The following CDH8 variants were observed in gnomAD, a reference collection of about 807,000 sequenced individuals.
CDH8 encodes cadherin 8.
CDH8 carries 17 observed loss-of-function variants against 68.1 expected under a neutral mutation model. That is an observed-to-expected ratio of 0.25 (90% confidence interval 0.17 to 0.37). The LOEUF is 0.37. CDH8 is among the 10% of genes least tolerant of loss of function. The pLI, the probability that CDH8 is intolerant of heterozygous loss-of-function variation, is 1.00. For missense variants in CDH8, 763 were observed against 999.3 expected, an observed-to-expected ratio of 0.76 and a Z score of 3.19; for synonymous variants, 372 against 365.1, an observed-to-expected ratio of 1.02 and a Z score of -0.21.
chr16:61,877,224 G>T (rs1212241915), intron 3 of CDH8, among the ~76,000 whole-genome samples: 1 of 151,236 alleles, frequency 6.6e-6, no homozygotes, highest in African/African-American at 2.4e-5. Context: ...CATCATCTTA[G>T]AACGAGACTA....
intron 4 of CDH8, among the ~76,000 whole-genome samples, chr16:61,828,208 C>T (rs1206569627): frequency 4.0e-5 from 6 of 151,788 alleles, no homozygotes; most frequent in African/African-American, 1.5e-4. Flanking sequence ...TGACAGTTTA[C>T]GAATGCCACG....
chr16:61,926,189 G>GTGTGTGTGTA (rs1964454281), intron 2 of CDH8, among the ~76,000 whole-genome samples: 1 of 150,962 alleles, frequency 6.6e-6, no homozygotes, highest in African/African-American at 2.4e-5. Flanking sequence ...GTGTGTGTGT[G>GTGTGTGTGTA]TGTATACATT....
chr16:61,744,345 A>C (rs1193028879), intron 8 of CDH8, among the ~76,000 whole-genome samples: 1 of 152,090 alleles, frequency 6.6e-6, no homozygotes, highest in African/African-American at 2.4e-5. Context: ...TATCATTATA[A>C]CATTTTTCTC....
intron 3 of CDH8, among the ~76,000 whole-genome samples, chr16:61,879,673 CA>C (rs1431228093): frequency 6.6e-6 from 1 of 152,132 alleles, no homozygotes; most frequent in East Asian, 1.9e-4. Context: ...TTGAAATCTT[CA>C]GAGAGAACGT....
At chr16:61,921,924 A>G (rs1964375445) in intron 2 of CDH8, among the ~76,000 whole-genome samples, 1 of 152,042 alleles carries the variant, frequency 6.6e-6, no homozygotes, top group South Asian at 2.1e-4. Flanking sequence ...CCAGCTACTC[A>G]GGAGGCTGAG....
At position 62,021,149 on chromosome 16, in the gene CDH8, T is replaced by C. The variant is rs1902063963; in HGVS notation, c.252+3A>G. 5 of 1,613,604 alleles carry C rather than the reference T, an allele frequency of 3.1e-6. No individual in the cohort carries two copies. Among genetic ancestry groups the C allele is most frequent in the Middle Eastern group, 3.3e-4 (2 of 6,056 alleles). On this transcript the variant is annotated splice_donor_region_variant and intron_variant, in intron 2 of 11. Coordinates refer to ENST00000577390, the MANE Select transcript of CDH8 (RefSeq NM_001796.5). ...AAATTGAGATCTTAAAAACAAAGCTTACCCGGCCAACAAGAATCGGTTCAG... is the reference window on the plus strand; with the variant it reads ...AAATTGAGATCTTAAAAACAAAGCTCACCCGGCCAACAAGAATCGGTTCAG...
intron 10 of CDH8, among the ~76,000 whole-genome samples, chr16:61,660,457 CA>C (rs1188178760): frequency 2.6e-5 from 4 of 151,480 alleles, no homozygotes; most frequent in Non-Finnish European, 5.9e-5. Flanking sequence ...AGCAGAGCCT[CA>C]AAAAAATGTA....
intron 2 of CDH8, among the ~76,000 whole-genome samples, chr16:61,973,937 C>T (rs1462647614): frequency 6.6e-6 from 1 of 152,162 alleles, no homozygotes; most frequent in African/African-American, 2.4e-5. Context: ...ATCAGGTTTG[C>T]GTTGTCAGAC....
At chr16:61,765,273 G>T (rs1277044297) in intron 8 of CDH8, among the ~76,000 whole-genome samples, 3 of 151,924 alleles carry the variant, frequency 2.0e-5, no homozygotes, top group Admixed American at 6.6e-5. Flanking sequence ...ATGAATGCAT[G>T]GCAGGATCAA....
intron 4 of CDH8, among the ~76,000 whole-genome samples, chr16:61,846,909 T>C (rs747949518): frequency 6.6e-6 from 1 of 152,130 alleles, no homozygotes; most frequent in Non-Finnish European, 1.5e-5. Context: ...TAGTGAAATG[T>C]TATGAGCTAG....
chr16:61,722,309 G>C (rs1228004568), intron 9 of CDH8, among the ~76,000 whole-genome samples: 2 of 150,556 alleles, frequency 1.3e-5, no homozygotes, highest in East Asian at 1.9e-4. Flanking sequence ...AAATTTATTT[G>C]ACAATACTAT....
rs1206120497 is a variant in CDH8 at position 61,727,178 on chromosome 16, A to G, written c.1452T>C (p.Ile484=). 9.3e-6 allele frequency: 15 copies of G among 1,609,904 alleles called. No individual in the cohort carries two copies. The highest frequency in any genetic ancestry group is 1.3e-5 in the African/African-American group (1 of 74,516). Residue 484 remains isoleucine, a synonymous_variant, in exon 9 of 12, where the codon ATT becomes ATC. Transcript: ENST00000577390. ...CGTTGTCATTGACATCCAGCACTTT[A>G]ATAGCAACAGGTACTCGTGATATCT... is the stretch of plus-strand genomic sequence containing the variant. ...HSQISRVPVA[I]KVLDVNDNAP...
At chr16:61,780,586 A>G (rs1454233349) in intron 8 of CDH8, among the ~76,000 whole-genome samples, 4 of 152,222 alleles carry the variant, frequency 2.6e-5, no homozygotes, top group Non-Finnish European at 5.9e-5. Context: ...CTATTTCTTT[A>G]TCATTATTAG....
chr16:61,802,164 C>T (rs527328997), intron 7 of CDH8, among the ~76,000 whole-genome samples: 11 of 119,278 alleles, frequency 9.2e-5, no homozygotes, highest in African/African-American at 4.0e-4. Flanking sequence ...GACCCCTGAC[C>T]CCCGAGCAGC....
In CDH8 at chr16:62,023,463, C is replaced by T. The variant is rs759205556; in HGVS notation, c.-199-1861G>A. ...GGCATTAATAATAATTCCTACCTAA[C>T]GGGACAATAGTGTGGTTCAGAAATA... On this transcript the variant is annotated intron_variant, in intron 1 of 11. Coordinates refer to ENST00000577390, the MANE Select transcript of CDH8 (RefSeq NM_001796.5). Among the ~76,000 whole-genome samples the T allele has an allele frequency of 2.9e-4, 44 of 152,044 alleles. 3 individuals carry two copies. Among genetic ancestry groups the T allele is most frequent in the Admixed American group, 2.1e-3 (32 of 15,250 alleles).
chr16:61,961,041 C>T (rs933195679), intron 2 of CDH8, among the ~76,000 whole-genome samples: 1 of 152,106 alleles, frequency 6.6e-6, no homozygotes, highest in Non-Finnish European at 1.5e-5. Flanking sequence ...TGGGGCTGGG[C>T]ACGGTGGCTC....
At chr16:61,824,940 TA>T in intron 5 of CDH8, 71 bp downstream of exon 5, 1 of 1,334,696 alleles carries the variant, frequency 7.5e-7, no homozygotes, top group Non-Finnish European at 1.0e-6. Context: ...TAATTATCAC[TA>T]AAAATTATAA....
chr16:61,974,226 G>C (rs1214444749), intron 2 of CDH8, among the ~76,000 whole-genome samples: 1 of 152,150 alleles, frequency 6.6e-6, no homozygotes, highest in Non-Finnish European at 1.5e-5. Flanking sequence ...TTTGGAAAAG[G>C]ATAAAGGCAT....
intron 8 of CDH8, among the ~76,000 whole-genome samples, chr16:61,741,093 G>T (rs1405328028): frequency 6.6e-6 from 1 of 152,110 alleles, no homozygotes; most frequent in African/African-American, 2.4e-5. Flanking sequence ...TTTAGAAATT[G>T]TAGGAGTGTT....
Sources: gnomAD v4.1 joint callset for allele counts (sites outside exome capture counted in the v4.1 genomes callset) on GRCh38, gnomAD v4.1.1 for gene constraint, MANE v1.5 for transcripts, NCBI Gene and HGNC (gene_info 2026-07-23, HGNC 2026-07-21) for gene names.